The following SIAH1 variants were observed in gnomAD, a reference collection of about 807,000 sequenced individuals.
The protein encoded by SIAH1 is E3 ubiquitin-protein ligase SIAH1.
In SIAH1, 2 loss-of-function variants were observed where a neutral mutation model predicts 20.0. The ratio of observed to expected loss-of-function variants is 0.10; its 90% confidence interval spans 0.04 to 0.31. SIAH1 has a LOEUF of 0.31. Among genes scored for constraint, SIAH1 ranks in the 10% least tolerant of loss-of-function variants. The pLI is 1.00. For missense variants in SIAH1, 119 were observed against 355.3 expected, an observed-to-expected ratio of 0.33 and a Z score of 5.35; for synonymous variants, 118 against 125.3, an observed-to-expected ratio of 0.94 and a Z score of 0.39.
intron 1 of SIAH1, among the ~76,000 whole-genome samples, chr16:48,371,303 GTT>G (rs978754613): frequency 7.2e-5 from 11 of 152,078 alleles, no homozygotes; most frequent in African/African-American, 2.7e-4. Flanking sequence ...ACAGCCAGAT[GTT>G]TTGTTGTCTC....
chr16:48,362,640 C>T lies in SIAH1; in HGVS notation c.-2-210G>A, dbSNP rs1036734833. 3.8e-6 allele frequency: 2 copies of T among 532,258 alleles called. No homozygotes were observed. Among genetic ancestry groups the T allele is most frequent in the South Asian group, 2.4e-5 (1 of 41,326 alleles). The allele number at this position is 532,258 out of a possible 1,614,324, so 33.0% of individuals were successfully genotyped here. The stretch of plus-strand genomic sequence containing the variant: ...AGGATCTGTACACTGGATAAGCTCT[C>T]TTTTCAAAATGTTCCGGAAAACATG... On this transcript the variant is annotated intron_variant, in intron 1 of 1. Transcript: ENST00000394725. The surrounding 1 kb of genome is among the most constrained non-coding windows in gnomAD (Gnocchi z 4.2).
chr16:48,367,863 A>G (rs372843701), intron 1 of SIAH1, among the ~76,000 whole-genome samples: 2 of 152,242 alleles, frequency 1.3e-5, no homozygotes, highest in African/African-American at 4.8e-5. Context: ...GCAAAAATCC[A>G]AAACTTAGCA....
intron 1 of SIAH1, among the ~76,000 whole-genome samples, chr16:48,378,267 C>T (rs1236043794): frequency 2.0e-5 from 3 of 152,152 alleles, no homozygotes; most frequent in Non-Finnish European, 4.4e-5. Flanking sequence ...GCAGGAGAAT[C>T]GCTTGAACCC....
chr16:48,379,047 TACA>T (rs1459364807), intron 1 of SIAH1, among the ~76,000 whole-genome samples: 1 of 152,242 alleles, frequency 6.6e-6, no homozygotes, highest in East Asian at 1.9e-4. Flanking sequence ...CTAATCTTTT[TACA>T]ACACTTGCTG....
At chr16:48,369,598 C>T (rs1960931406) in intron 1 of SIAH1, among the ~76,000 whole-genome samples, 1 of 151,792 alleles carries the variant, frequency 6.6e-6, no homozygotes, top group East Asian at 1.9e-4. Context: ...AAAAAATTAG[C>T]TGGGTGTGGT....
Position 48,361,279 on chromosome 16 carries a change from A to T in SIAH1, c.*301T>A. The T allele has an allele frequency of 3.3e-6, 1 of 302,146 alleles. No homozygotes were observed. Among genetic ancestry groups the T allele is most frequent in the East Asian group, 7.4e-5 (1 of 13,514 alleles). The allele number at this position is 302,146 out of a possible 1,614,324, so 18.7% of individuals were successfully genotyped here. ...AACAAACTTTTTCAACAATACAATC[A>T]ATCTACAACAAACACAAAACTCAGA... On this transcript the variant is annotated 3_prime_UTR_variant, in exon 2 of 2. Coordinates refer to ENST00000394725, the MANE Select transcript of SIAH1 (RefSeq NM_003031.4).
intron 1 of SIAH1, among the ~76,000 whole-genome samples, chr16:48,377,895 T>C (rs1353277592): frequency 4.0e-5 from 6 of 151,866 alleles, no homozygotes; most frequent in African/African-American, 9.7e-5. Context: ...CTGGACAACA[T>C]AGTGAGATCT....
intron 1 of SIAH1, among the ~76,000 whole-genome samples, chr16:48,366,388 C>T (rs1960842448): frequency 6.6e-6 from 1 of 152,150 alleles, no homozygotes; most frequent in African/African-American, 2.4e-5. Flanking sequence ...AATTCTAGCT[C>T]ACTTCATTTC....
intron 1 of SIAH1, among the ~76,000 whole-genome samples, chr16:48,380,776 A>T (rs1054248050): frequency 6.6e-6 from 1 of 151,782 alleles, no homozygotes; most frequent in Admixed American, 6.6e-5. Flanking sequence ...GTAAAAAGAA[A>T]AATTAGCCGG....
At position 48,365,446 on chromosome 16, in the gene SIAH1, T is replaced by C. The variant is rs758285606; in HGVS notation, c.-2-3016A>G. On this transcript the variant is annotated intron_variant, in intron 1 of 1. Coordinates refer to ENST00000394725, the MANE Select transcript of SIAH1 (RefSeq NM_003031.4). The stretch of plus-strand genomic sequence containing the variant: ...TGTGAACAAGACTCCCCTCCAGGAG[T>C]ACAGAGAAGGTGGAGTAGCCTTTCC... 1.4e-5 allele frequency: 23 copies of C among 1,613,656 alleles called. No individual in the cohort carries two copies. In the Admixed American group the frequency reaches 1.8e-4, roughly 13 times the overall value.
intron 1 of SIAH1, among the ~76,000 whole-genome samples, chr16:48,381,141 T>C (rs1874659031): frequency 6.6e-6 from 1 of 151,776 alleles, no homozygotes; most frequent in Non-Finnish European, 1.5e-5. Flanking sequence ...GGTCAGGAGA[T>C]CAAGACCAGC....
intron 1 of SIAH1, among the ~76,000 whole-genome samples, chr16:48,364,290 TTA>T (rs1238643079): frequency 6.6e-6 from 1 of 152,194 alleles, no homozygotes; most frequent in Non-Finnish European, 1.5e-5. Context: ...TTTATCTCAA[TTA>T]TAGTCATTCT....
chr16:48,360,593 A>G lies in SIAH1; in HGVS notation c.*987T>C, dbSNP rs1231073645. ...ATAAAAGACCAAAAACATTTTTTGC[A>G]AACTGCCTTTTTAAACAAATGATTT... is the stretch of plus-strand genomic sequence containing the variant. On this transcript the variant is annotated 3_prime_UTR_variant, in exon 2 of 2. Coordinates refer to ENST00000394725, the MANE Select transcript of SIAH1 (RefSeq NM_003031.4). 1 of 152,654 alleles carries G rather than the reference A, an allele frequency of 6.6e-6. No individual in the cohort carries two copies. The highest frequency in any genetic ancestry group is 1.5e-5 in the Non-Finnish European group (1 of 68,038). The allele number at this position is 152,654 out of a possible 1,614,324, so 9.5% of individuals were successfully genotyped here. A position where few individuals can be genotyped will look rare whatever the true frequency, so the allele number is the denominator to read the frequency against.
At chr16:48,385,497 G>T (rs567178507), upstream of SIAH1, 1 of 151,092 alleles carries the variant, frequency 6.6e-6, no homozygotes, top group Non-Finnish European at 1.5e-5. Context: ...GGGAGCCTGG[G>T]GGGGCGGGGC....
In SIAH1 at chr16:48,376,985, C is replaced by CT. The variant is rs564152075; in HGVS notation, c.-3+8218dup. Among the ~76,000 whole-genome samples the CT allele has an allele frequency of 7.9e-5, 12 of 152,302 alleles. 1 individual carries two copies. In the East Asian group the frequency reaches 2.3e-3, roughly 29 times the overall value. On this transcript the variant is annotated intron_variant, in intron 1 of 1. Coordinates refer to ENST00000394725, the MANE Select transcript of SIAH1 (RefSeq NM_003031.4). ...TGAAGTAATCTTTCCAAGGTAGAGT[C>CT]TTTGCAGAGAAGCTAGTATACACTT...
At chr16:48,384,971 G>A (rs1292049023) in intron 1 of SIAH1, among the ~76,000 whole-genome samples, 1 of 146,300 alleles carries the variant, frequency 6.8e-6, no homozygotes, top group Non-Finnish European at 1.5e-5. Flanking sequence ...CGGGCCCGGG[G>A]CTCCAGGGGC....
At chr16:48,364,810 T>C (rs1484146594) in intron 1 of SIAH1, 1 of 152,524 alleles carries the variant, frequency 6.6e-6, no homozygotes, top group African/African-American at 2.4e-5. Context: ...CCAATGCCTT[T>C]CAAATTACTA....
intron 1 of SIAH1, among the ~76,000 whole-genome samples, chr16:48,380,662 G>A (rs1464975412): frequency 2.0e-5 from 3 of 151,894 alleles, no homozygotes; most frequent in African/African-American, 2.4e-5. Flanking sequence ...AGTGGCCCAC[G>A]CCTGTAATCC....
At position 48,362,629 on chromosome 16, in the gene SIAH1, GGATAAGCTC is replaced by G; in HGVS notation, c.-2-208_-2-200del. 1 of 556,728 alleles carries G rather than the reference GGATAAGCTC, an allele frequency of 1.8e-6. No individual in the cohort carries two copies. The highest frequency in any genetic ancestry group is 2.3e-5 in the South Asian group (1 of 43,150). 34.5% of individuals were successfully genotyped at this position (556,728 alleles called of 1,614,324 possible). On this transcript the variant is annotated intron_variant, in intron 1 of 1. Transcript: ENST00000394725. The surrounding 1 kb of genome is among the most constrained non-coding windows in gnomAD (Gnocchi z 4.2). ...TGCACTTTATTAGGATCTGTACACT[GGATAAGCTC>G]TCTTTTCAAAATGTTCCGGAAAACA...
Sources: gnomAD v4.1 joint callset for allele counts (sites outside exome capture counted in the v4.1 genomes callset) on GRCh38, gnomAD v4.1.1 for gene constraint, Gnocchi (gnomAD v3.1) non-coding constraint, MANE v1.5 for transcripts, NCBI Gene and HGNC (gene_info 2026-07-23, HGNC 2026-07-21) for gene names.